GNAL: variants seen among roughly 807,000 people sequenced by gnomAD.
GNAL encodes the protein guanine nucleotide-binding protein G(olf) subunit alpha.
In GNAL, 18 loss-of-function variants were observed where a neutral mutation model predicts 55.1. That is an observed-to-expected ratio of 0.33 (90% CI 0.23 to 0.48). The LOEUF is 0.48. GNAL is among the 20% of genes least tolerant of loss of function. The pLI is 0.99. For synonymous variants in GNAL, 253 were observed against 237.0 expected (o/e 1.07, Z -0.62); for missense variants, 412 against 614.1 (o/e 0.67, Z 3.48).
At chr18:11,765,354 T>C (rs949927479) in intron 4 of GNAL, among the ~76,000 whole-genome samples, 4 of 152,246 alleles carry the variant, frequency 2.6e-5, no homozygotes, top group African/African-American at 9.6e-5. Flanking sequence ...ATACAGTAAG[T>C]TATCAAATTA....
At chr18:11,869,140 T>C (rs116875114) in intron 9 of GNAL, among the ~76,000 whole-genome samples, 2 of 137,780 alleles carry the variant, frequency 1.5e-5, no homozygotes, top group Non-Finnish European at 3.1e-5. Flanking sequence ...AATATTTTTT[T>C]TTATTATTTT....
At chr18:11,740,786 A>G (rs1257603599) in intron 1 of GNAL, among the ~76,000 whole-genome samples, 3 of 152,234 alleles carry the variant, frequency 2.0e-5, no homozygotes, top group East Asian at 3.8e-4. Flanking sequence ...CAACTTACCC[A>G]TAGTTTAAAT....
chr18:11,730,264 ATTCT>A (rs2032308407), intron 1 of GNAL, among the ~76,000 whole-genome samples: 2 of 150,878 alleles, frequency 1.3e-5, no homozygotes, highest in African/African-American at 4.9e-5. Flanking sequence ...GGTTCAAGCG[ATTCT>A]TCTGCCTCAG....
chr18:11,885,114 G>T lies in GNAL; in HGVS notation c.*3979G>T. ...AGATACTTTTATGTGGAACAACAGT[G>T]GCAAATGTTTTCATTTACTTTGAAT... On this transcript the variant is annotated 3_prime_UTR_variant, in exon 12 of 12. Coordinates refer to ENST00000334049, the MANE Select transcript of GNAL (RefSeq NM_182978.4). The T allele has an allele frequency of 8.9e-7, 1 of 1,126,670 alleles. No individual in the cohort carries two copies. The highest frequency in any genetic ancestry group is 1.7e-5 in the African/African-American group (1 of 60,406). The allele number at this position is 1,126,670 out of a possible 1,614,324, so 69.8% of individuals were successfully genotyped here. A position where few individuals can be genotyped will look rare whatever the true frequency, so the allele number is the denominator to read the frequency against.
chr18:11,698,009 TAGGGAGGACGTGCAGAGTGAGAAAGGA>T (rs1297558073), intron 1 of GNAL, among the ~76,000 whole-genome samples: 3 of 151,962 alleles, frequency 2.0e-5, no homozygotes, highest in African/African-American at 7.3e-5. Flanking sequence ...ACATGCCACC[TAGGGAGGACGTGCAGAGTGAGAAAGGA>T]AGGGAGGAGG....
intron 1 of GNAL, among the ~76,000 whole-genome samples, chr18:11,721,614 G>T (rs1447125350): frequency 1.3e-5 from 2 of 151,932 alleles, no homozygotes; most frequent in Non-Finnish European, 2.9e-5. Context: ...AAGTTAGCCA[G>T]GCATGGTGGC....
rs556283052 is a variant in GNAL at position 11,859,033 on chromosome 18, A to C, written c.723-3362A>C. On this transcript the variant is annotated intron_variant, in intron 5 of 11. Coordinates refer to ENST00000334049, the MANE Select transcript of GNAL (RefSeq NM_182978.4). Reference sequence around the variant, plus strand: ...ACCATACTTCATTCTTTCTACTTAGACTAGTTATTATCATCTGAATACATT... The same window carrying C: ...ACCATACTTCATTCTTTCTACTTAGCCTAGTTATTATCATCTGAATACATT... 5.9e-5 allele frequency among the ~76,000 whole-genome samples: 9 copies of C among 152,220 alleles called. No homozygotes were observed. In the South Asian group the frequency reaches 1.9e-3, roughly 32 times the overall value.
At chr18:11,870,990 A>G (rs999692498) in intron 9 of GNAL, among the ~76,000 whole-genome samples, 2 of 152,186 alleles carry the variant, frequency 1.3e-5, no homozygotes, top group Non-Finnish European at 2.9e-5. Context: ...TGGGAAAATG[A>G]CCACAATCTT....
chr18:11,824,269 G>GA (rs1304704117), intron 4 of GNAL, among the ~76,000 whole-genome samples: 1 of 123,052 alleles, frequency 8.1e-6, no homozygotes, highest in East Asian at 2.5e-4. Flanking sequence ...AGATGGGGGG[G>GA]GGGTTCAATG....
At position 11,689,670 on chromosome 18, in the gene GNAL, C is replaced by CGGCCCTGGCCCT; in HGVS notation, c.118_119insTGGCCCTGGCCC (p.Ala39_Pro40insLeuAlaLeuAla). 2 of 1,441,180 alleles carry CGGCCCTGGCCCT rather than the reference C, an allele frequency of 1.4e-6. No individual in the cohort carries two copies. Among genetic ancestry groups the CGGCCCTGGCCCT allele is most frequent in the Non-Finnish European group, 1.8e-6 (2 of 1,102,032 alleles). 89.3% of individuals were successfully genotyped at this position (1,441,180 alleles called of 1,614,324 possible). ...GAGGACGCGCAGCCCGCCCCGGCCC[C>CGGCCCTGGCCCT]GGCCCTGGCCCCAGTCCGGGCGGCC... On this transcript the variant is annotated inframe_insertion, in exon 1 of 12. Coordinates refer to ENST00000334049, the MANE Select transcript of GNAL (RefSeq NM_182978.4).
At chr18:11,789,105 C>G (rs1402313041) in intron 4 of GNAL, among the ~76,000 whole-genome samples, 1 of 151,826 alleles carries the variant, frequency 6.6e-6, no homozygotes, top group African/African-American at 2.4e-5. Context: ...TGCCACACAA[C>G]CTGTTTTCTT....
intron 1 of GNAL, among the ~76,000 whole-genome samples, chr18:11,724,443 G>A (rs546632253): frequency 1.4e-4 from 21 of 152,290 alleles, no homozygotes; most frequent in Non-Finnish European, 2.5e-4. Flanking sequence ...CTTCAGCAAC[G>A]TCCCAGAAAG....
intron 4 of GNAL, among the ~76,000 whole-genome samples, chr18:11,817,684 G>C (rs1332752592): frequency 6.6e-6 from 1 of 152,110 alleles, no homozygotes; most frequent in East Asian, 1.9e-4. Context: ...CCACCTCCCA[G>C]GTTCCAGTGA....
intron 1 of GNAL, among the ~76,000 whole-genome samples, chr18:11,693,664 T>C (rs1274923279): frequency 1.3e-5 from 2 of 151,852 alleles, no homozygotes; most frequent in African/African-American, 4.8e-5. Flanking sequence ...TTGTTTATTC[T>C]GGAAATGTGC....
At chr18:11,867,450 G>T (rs2036289114) in intron 8 of GNAL, among the ~76,000 whole-genome samples, 1 of 152,138 alleles carries the variant, frequency 6.6e-6, no homozygotes, top group African/African-American at 2.4e-5. Flanking sequence ...AGGCCAAGGA[G>T]GGCGGATAAC....
At chr18:11,706,642 G>A (rs981047569) in intron 1 of GNAL, among the ~76,000 whole-genome samples, 3 of 152,128 alleles carry the variant, frequency 2.0e-5, no homozygotes, top group African/African-American at 7.2e-5. Context: ...TACATTTATG[G>A]AATATTCTAA....
intron 4 of GNAL, among the ~76,000 whole-genome samples, chr18:11,767,333 G>C (rs941417883): frequency 1.3e-5 from 2 of 150,052 alleles, no homozygotes; most frequent in Non-Finnish European, 3.0e-5. Context: ...TGCTTACTCT[G>C]TGTGCACCCT....
At chr18:11,789,321 G>A (rs2034164963) in intron 4 of GNAL, among the ~76,000 whole-genome samples, 1 of 152,070 alleles carries the variant, frequency 6.6e-6, no homozygotes, top group South Asian at 2.1e-4. Flanking sequence ...TTTAAATCTG[G>A]GTAAGCAATA....
intron 4 of GNAL, among the ~76,000 whole-genome samples, chr18:11,796,221 G>A (rs1348714288): frequency 6.6e-6 from 1 of 152,144 alleles, no homozygotes; most frequent in African/African-American, 2.4e-5. Flanking sequence ...TATGACAGTT[G>A]GACATGCTTG....
Sources: allele counts gnomAD v4.1 joint callset (sites outside exome capture counted in the v4.1 genomes callset), GRCh38; gene constraint gnomAD v4.1.1; transcripts MANE v1.5; gene names NCBI Gene and HGNC (gene_info 2026-07-23, HGNC 2026-07-21).